The following TBC1D12 variants were observed in gnomAD, a reference collection of about 807,000 sequenced individuals.
TBC1D12 encodes TBC1 domain family, member 12.
A neutral mutation model predicts 86.7 loss-of-function variants in TBC1D12; 56 were observed. That is an observed-to-expected ratio of 0.65 (90% CI 0.52 to 0.81). The LOEUF (loss-of-function observed/expected upper bound fraction) is 0.81. Ranked by LOEUF, TBC1D12 falls within the 30% of genes least tolerant of loss-of-function variation. The probability of loss-of-function intolerance (pLI) is 0.00; values close to 1 mark genes in which losing one functional copy is unlikely to be tolerated. For synonymous variants in TBC1D12, 421 were observed against 411.7 expected (o/e 1.02, Z -0.27); for missense variants, 1,023 against 1,038.8 (o/e 0.98, Z 0.21).
chr10:94,406,670 A>G (rs932996267), intron 1 of TBC1D12, among the ~76,000 whole-genome samples: 1 of 152,250 alleles, frequency 6.6e-6, no homozygotes, highest in South Asian at 2.1e-4. Flanking sequence ...CCCCTGTCTC[A>G]CAACACAACC....
chr10:94,457,362 T>C (rs1343314601), intron 2 of TBC1D12, among the ~76,000 whole-genome samples: 2 of 152,194 alleles, frequency 1.3e-5, no homozygotes, highest in Non-Finnish European at 2.9e-5. Context: ...AACACATGGC[T>C]GGGTCTTCTT....
chr10:94,452,396 C>T (rs753251219), intron 2 of TBC1D12, among the ~76,000 whole-genome samples: 2 of 152,068 alleles, frequency 1.3e-5, no homozygotes, highest in African/African-American at 2.4e-5. Flanking sequence ...TGTAGTATTA[C>T]ACAGCATAGT....
chr10:94,531,911 T>TTATTTTATTG (rs1452772265), intron 12 of TBC1D12, among the ~76,000 whole-genome samples: 1 of 71,988 alleles, frequency 1.4e-5, no homozygotes, highest in Non-Finnish European at 2.8e-5. Context: ...GTTATGTTAT[T>TTATTTTATTG]TTATTGTCAC....
chr10:94,528,274 A>C (rs182319923), intron 11 of TBC1D12, among the ~76,000 whole-genome samples: 2 of 152,162 alleles, frequency 1.3e-5, no homozygotes, highest in African/African-American at 2.4e-5. Flanking sequence ...TTCCTTGTAG[A>C]GGTCTTTCAC....
chr10:94,519,892 A>G (rs1200772115), intron 9 of TBC1D12, among the ~76,000 whole-genome samples: 1 of 152,122 alleles, frequency 6.6e-6, no homozygotes, highest in Non-Finnish European at 1.5e-5. Flanking sequence ...CCTTGACTTA[A>G]TCATATCTGT....
At chr10:94,425,189 T>C (rs569127362) in intron 1 of TBC1D12, among the ~76,000 whole-genome samples, 2 of 152,290 alleles carry the variant, frequency 1.3e-5, no homozygotes, top group South Asian at 4.1e-4. Context: ...TAGTAGAGGG[T>C]GTGACTGTAA....
chr10:94,469,842 C>T (rs567913054), intron 2 of TBC1D12, among the ~76,000 whole-genome samples: 1 of 152,252 alleles, frequency 6.6e-6, no homozygotes, highest in East Asian at 1.9e-4. Flanking sequence ...GCCAAGCTTC[C>T]TTTGGGGTCC....
intron 11 of TBC1D12, among the ~76,000 whole-genome samples, chr10:94,523,967 A>G (rs1453551408): frequency 1.3e-5 from 2 of 151,798 alleles, no homozygotes; most frequent in Non-Finnish European, 2.9e-5. Context: ...AGATCCTATT[A>G]AAAAAAAATT....
At position 94,510,148 on chromosome 10, in the gene TBC1D12, G is replaced by T; in HGVS notation, c.1658G>T (p.Arg553Leu). 6.2e-7 allele frequency: 1 copy of T among 1,606,146 alleles called. No individual in the cohort carries two copies. The highest frequency in any genetic ancestry group is 8.5e-7 in the Non-Finnish European group (1 of 1,177,888). ...GAATTAATTAAGTTGGACATATCCC[G>T]TACATTTCCATCTCTCTACATCTTT... is the stretch of plus-strand genomic sequence containing the variant. ...SLELIKLDIS[R>L]TFPSLYIFQK... Residue 553 changes from arginine to leucine, a missense_variant, in exon 8 of 13, where the codon CGT (arginine) becomes CTT (leucine). This residue lies in a region of TBC1D12 where 395 missense variants were observed against 507.7 expected (regional missense o/e 0.78). Coordinates refer to ENST00000225235, the MANE Select transcript of TBC1D12 (RefSeq NM_015188.2).
intron 2 of TBC1D12, among the ~76,000 whole-genome samples, chr10:94,467,817 G>T (rs991857550): frequency 6.6e-6 from 1 of 152,112 alleles, no homozygotes; most frequent in African/African-American, 2.4e-5. Context: ...TCTCATGCGC[G>T]TACAACCATA....
intron 2 of TBC1D12, among the ~76,000 whole-genome samples, chr10:94,472,776 A>G (rs543468966): frequency 6.6e-6 from 1 of 152,292 alleles, no homozygotes; most frequent in African/African-American, 2.4e-5. Context: ...ATTGTTTTTG[A>G]TTATGAACGG....
chr10:94,414,242 T>G (rs1157184178), intron 1 of TBC1D12, among the ~76,000 whole-genome samples: 1 of 152,198 alleles, frequency 6.6e-6, no homozygotes, highest in African/African-American at 2.4e-5. Flanking sequence ...ATACATTGTT[T>G]CCACGTTATT....
At chr10:94,443,632 T>A (rs2055411541) in intron 2 of TBC1D12, among the ~76,000 whole-genome samples, 1 of 152,236 alleles carries the variant, frequency 6.6e-6, no homozygotes, top group African/African-American at 2.4e-5. Context: ...CAGTTGGATA[T>A]GGTGGAGACT....
intron 1 of TBC1D12, among the ~76,000 whole-genome samples, chr10:94,426,827 C>G (rs182659384): frequency 6.6e-6 from 1 of 152,172 alleles, no homozygotes; most frequent in Non-Finnish European, 1.5e-5. Flanking sequence ...CCACCCACTT[C>G]GGCCTTGCAA....
rs10664686 is a variant in TBC1D12, at chr10:94,531,749, G to GTTATTTTATTTTATT, written c.2259+299_2259+313dup. ...GTTATTTTATGTTATGTTATTTTAT[G>GTTATTTTATTTTATT]TTATTTTATTTTATTTTATTTTATG... is the stretch of plus-strand genomic sequence containing the variant. On this transcript the variant is annotated intron_variant, in intron 12 of 12. Transcript: ENST00000225235. Among the ~76,000 whole-genome samples the GTTATTTTATTTTATT allele has an allele frequency of 8.1e-5, 4 of 49,640 alleles. No individual in the cohort carries two copies. In the Admixed American group the frequency reaches 9.0e-4, roughly 11 times the overall value. The allele number at this position is 49,640 out of a possible 152,430, so 32.6% of individuals were successfully genotyped here.
chr10:94,428,290 T>C (rs2055173201), intron 1 of TBC1D12, among the ~76,000 whole-genome samples: 1 of 149,946 alleles, frequency 6.7e-6, no homozygotes, highest in East Asian at 1.9e-4. Flanking sequence ...TTCTTTTTTT[T>C]TTTTTTTTTT....
At chr10:94,504,504 AT>A (rs1184317723) in intron 6 of TBC1D12, among the ~76,000 whole-genome samples, 32 of 152,246 alleles carry the variant, frequency 2.1e-4, no homozygotes, top group African/African-American at 7.0e-4. Flanking sequence ...ATTGAATTAC[AT>A]TTATTTTTGT....
chr10:94,503,713 C>G (rs1334381973), intron 6 of TBC1D12, among the ~76,000 whole-genome samples: 1 of 152,156 alleles, frequency 6.6e-6, no homozygotes, highest in Admixed American at 6.5e-5. Context: ...CAGCCCCTGC[C>G]TCCTGGGTTC....
chr10:94,506,420 A>C (rs1174109333), intron 6 of TBC1D12, among the ~76,000 whole-genome samples: 8 of 152,236 alleles, frequency 5.3e-5, no homozygotes, highest in African/African-American at 1.9e-4. Context: ...AATTGAAGCA[A>C]AAAACTTATT....
Sources: allele counts gnomAD v4.1 joint callset (sites outside exome capture counted in the v4.1 genomes callset), GRCh38; gene constraint gnomAD v4.1.1; regional missense constraint gnomAD v4.1.1; transcripts MANE v1.5; gene names NCBI Gene and HGNC (gene_info 2026-07-23, HGNC 2026-07-21).